TTC17: variants seen among roughly 807,000 people sequenced by gnomAD.
TTC17 encodes the protein tetratricopeptide repeat domain 17.
A neutral mutation model predicts 143.8 loss-of-function variants in TTC17; 58 were observed. The observed-to-expected ratio is 0.40, with a 90% CI of 0.33 to 0.50. TTC17 has a LOEUF of 0.50. Among genes scored for constraint, TTC17 ranks in the 20% least tolerant of loss-of-function variants. TTC17 has a pLI of 0.49. For synonymous variants in TTC17, 501 were observed against 497.8 expected (o/e 1.01, Z -0.09); for missense variants, 1,273 against 1,392.5 (o/e 0.91, Z 1.37).
At chr11:43,418,723 T>C (rs1229793283) in intron 16 of TTC17, among the ~76,000 whole-genome samples, 1 of 152,102 alleles carries the variant, frequency 6.6e-6, no homozygotes, top group Non-Finnish European at 1.5e-5. Flanking sequence ...AAGGTTATCT[T>C]CTCTAAAAAA....
chr11:43,386,169 CAAA>C lies in TTC17; in HGVS notation c.250-3472_250-3470del, dbSNP rs768438986. Among the ~76,000 whole-genome samples the C allele has an allele frequency of 4.5e-5, 5 of 109,892 alleles. 1 individual carries two copies. In the East Asian group the frequency reaches 1.0e-3, roughly 22 times the overall value. The allele number at this position is 109,892 out of a possible 152,430, so 72.1% of individuals were successfully genotyped here. ...TGGGAAAAAAATACCTTTCAATGTA[CAAA>C]AAAAAAAAAATTTCCTATGCAGTTT... On this transcript the variant is annotated intron_variant, in intron 2 of 23. Coordinates refer to ENST00000039989, the MANE Select transcript of TTC17 (RefSeq NM_018259.6).
chr11:43,444,758 C>CAG (rs1947503760), intron 18 of TTC17, among the ~76,000 whole-genome samples: 1 of 150,608 alleles, frequency 6.6e-6, no homozygotes, highest in Non-Finnish European at 1.5e-5. Context: ...CACACACACA[C>CAG]AGATGGCCGC....
intron 16 of TTC17, among the ~76,000 whole-genome samples, chr11:43,439,630 G>T (rs1165816756): frequency 6.6e-6 from 1 of 151,742 alleles, no homozygotes; most frequent in Non-Finnish European, 1.5e-5. Context: ...CACCACCCCT[G>T]GGCTAATTTT....
intron 21 of TTC17, among the ~76,000 whole-genome samples, chr11:43,458,078 G>A (rs1274191751): frequency 6.6e-6 from 1 of 152,160 alleles, no homozygotes; most frequent in Admixed American, 6.5e-5. Flanking sequence ...ACAAACAAAT[G>A]GCTGTTTACT....
chr11:43,480,287 T>C (rs1948261782), intron 21 of TTC17, among the ~76,000 whole-genome samples: 1 of 152,132 alleles, frequency 6.6e-6, no homozygotes, highest in Non-Finnish European at 1.5e-5. Flanking sequence ...ACTCAAAAGA[T>C]CTCTGCCCTC....
At chr11:43,414,863 AT>A in intron 16 of TTC17, 87 bp downstream of exon 16, 1 of 1,417,112 alleles carries the variant, frequency 7.1e-7, no homozygotes, top group Non-Finnish European at 9.6e-7. Context: ...GATTTTCTCT[AT>A]TTTACCCAAG....
At chr11:43,426,526 A>G (rs1947031705) in intron 16 of TTC17, among the ~76,000 whole-genome samples, 1 of 152,200 alleles carries the variant, frequency 6.6e-6, no homozygotes, top group Non-Finnish European at 1.5e-5. Context: ...AGGAAACTTT[A>G]TTACTGAGAT....
At chr11:43,402,709 A>G (rs555715221) in intron 10 of TTC17, among the ~76,000 whole-genome samples, 47 of 152,316 alleles carry the variant, frequency 3.1e-4, no homozygotes, top group African/African-American at 1.1e-3. Context: ...ATATTGCAAA[A>G]TCCAAAAAAA....
chr11:43,366,629 C>T (rs1414516921), intron 1 of TTC17, among the ~76,000 whole-genome samples: 3 of 152,170 alleles, frequency 2.0e-5, no homozygotes, highest in African/African-American at 7.2e-5. Context: ...TCTCACTCCC[C>T]AGGGAAAGCT....
chr11:43,359,764 C>A (rs934166137), intron 1 of TTC17, among the ~76,000 whole-genome samples: 1 of 152,236 alleles, frequency 6.6e-6, no homozygotes, highest in Non-Finnish European at 1.5e-5. Flanking sequence ...TTACTGCCCT[C>A]GTTTCCCAGT....
intron 15 of TTC17, among the ~76,000 whole-genome samples, chr11:43,413,475 C>A (rs1464863870): frequency 1.3e-5 from 2 of 152,068 alleles, no homozygotes; most frequent in Non-Finnish European, 2.9e-5. Flanking sequence ...AAATGATAAG[C>A]TGAACTTCAT....
chr11:43,397,248 C>A, intron 6 of TTC17, 99 bp from the exon 7 acceptor site: 1 of 1,283,728 alleles, frequency 7.8e-7, no homozygotes, highest in Non-Finnish European at 1.1e-6. Context: ...TTATTTTCTC[C>A]ACCTATATCT....
chr11:43,472,449 TAAAG>T (rs1948109759), intron 21 of TTC17, among the ~76,000 whole-genome samples: 1 of 152,308 alleles, frequency 6.6e-6, no homozygotes, highest in Admixed American at 6.5e-5. Flanking sequence ...TTACTACAGT[TAAAG>T]ACAGACATTT....
intron 21 of TTC17, among the ~76,000 whole-genome samples, chr11:43,481,237 AAGAT>A (rs1446482660): frequency 4.0e-5 from 6 of 150,808 alleles, no homozygotes; most frequent in African/African-American, 9.7e-5. Context: ...AAACAAAAGA[AAGAT>A]AGATGTACAG....
chr11:43,361,858 CT>C (rs1856117884), intron 1 of TTC17, among the ~76,000 whole-genome samples: 1 of 152,040 alleles, frequency 6.6e-6, no homozygotes, highest in African/African-American at 2.4e-5. Flanking sequence ...TGGTACATAC[CT>C]TTTGAGAACC....
intron 15 of TTC17, among the ~76,000 whole-genome samples, 171 bp downstream of exon 15, chr11:43,407,748 T>C (rs1321401427): frequency 6.6e-6 from 1 of 152,204 alleles, no homozygotes; most frequent in Non-Finnish European, 1.5e-5. Flanking sequence ...TATTTTGATG[T>C]GTTCTTTAAA....
At chr11:43,491,801 G>A (rs1296713689) in intron 22 of TTC17, 5 of 580,404 alleles carry the variant, frequency 8.6e-6, no homozygotes, top group African/African-American at 5.6e-5. Context: ...GTTTGTTTTC[G>A]AAGCAAGACT....
chr11:43,452,101 A>G (rs1947669189), intron 21 of TTC17, among the ~76,000 whole-genome samples: 2 of 152,224 alleles, frequency 1.3e-5, no homozygotes, highest in Non-Finnish European at 2.9e-5. Flanking sequence ...GCAATTTCAG[A>G]AAACGTCAGC....
Position 43,473,620 on chromosome 11 carries a change from A to G in TTC17, c.3031-16619A>G, listed in dbSNP as rs181854657. ...CCGGGCACAGTAGCTCACGCCTGTA[A>G]TCTTACCACTTTGGGAAGCCAAGGC... On this transcript the variant is annotated intron_variant, in intron 21 of 23. Transcript: ENST00000039989. Among the ~76,000 whole-genome samples, 62 of 152,302 alleles carry G rather than the reference A, an allele frequency of 4.1e-4. 1 individual carries two copies. The South Asian group carries it at 4.6e-3, about 11-fold the overall frequency.
Sources: gnomAD v4.1 joint callset for allele counts (sites outside exome capture counted in the v4.1 genomes callset) on GRCh38, gnomAD v4.1.1 for gene constraint, MANE v1.5 for transcripts, NCBI Gene and HGNC (gene_info 2026-07-23, HGNC 2026-07-21) for gene names.